CSNK1G1: variants seen among roughly 807,000 people sequenced by gnomAD.
CSNK1G1 encodes casein kinase I isoform gamma-1.
A neutral mutation model predicts 59.6 loss-of-function variants in CSNK1G1; 22 were observed. The ratio of observed to expected loss-of-function variants is 0.37; its 90% CI spans 0.26 to 0.53. CSNK1G1 has a LOEUF of 0.53. Ranked by LOEUF, CSNK1G1 falls within the 20% of genes least tolerant of loss-of-function variation. The pLI, the probability that CSNK1G1 is intolerant of heterozygous loss-of-function variation, is 0.89. For missense variants in CSNK1G1, 384 were observed against 519.5 expected (o/e 0.74, Z 2.54); for synonymous variants, 179 against 177.1 (o/e 1.01, Z -0.08).
intron 4 of CSNK1G1, among the ~76,000 whole-genome samples, chr15:64,236,937 A>G (rs2140299003): frequency 6.6e-6 from 1 of 152,380 alleles, no homozygotes; most frequent in East Asian, 1.9e-4. Context: ...GTATACATAC[A>G]TAATAGAGTA....
intron 1 of CSNK1G1, among the ~76,000 whole-genome samples, chr15:64,322,436 C>T (rs1043204065): frequency 6.6e-6 from 1 of 151,890 alleles, no homozygotes; most frequent in Admixed American, 6.6e-5. Context: ...CTCCTGGGCT[C>T]AAGCAATCCT....
rs575299807 is a variant in CSNK1G1 at position 64,188,865 on chromosome 15, C to T, written c.1108-8411G>A. ...TAAGATTGTTCGGAGTGGTGGCATA[C>T]GCCTATAATCTCAGCACTTTGGGAG... On this transcript the variant is annotated intron_variant, in intron 10 of 11. Coordinates refer to ENST00000303052, the MANE Select transcript of CSNK1G1 (RefSeq NM_022048.5). This position sits in a 1 kb window ranked among gnomAD's most constrained non-coding sequence, Gnocchi z 4.2. Among the ~76,000 whole-genome samples the T allele has an allele frequency of 2.1e-4, 32 of 152,292 alleles. No individual in the cohort carries two copies. The highest frequency in any genetic ancestry group is 1.4e-3 in the South Asian group (7 of 4,828).
At chr15:64,258,252 G>T (rs1279359113) in intron 3 of CSNK1G1, among the ~76,000 whole-genome samples, 1 of 152,004 alleles carries the variant, frequency 6.6e-6, no homozygotes, top group Non-Finnish European at 1.5e-5. Flanking sequence ...GTGGCATGTA[G>T]TCTGTAGTCC....
intron 2 of CSNK1G1, among the ~76,000 whole-genome samples, chr15:64,280,839 T>C (rs1894085960): frequency 6.6e-6 from 1 of 152,144 alleles, no homozygotes; most frequent in South Asian, 2.1e-4. Context: ...AAATATGATA[T>C]ATACATACAA....
chr15:64,270,409 A>C (rs1893224752), intron 2 of CSNK1G1, among the ~76,000 whole-genome samples: 1 of 152,002 alleles, frequency 6.6e-6, no homozygotes, highest in South Asian at 2.1e-4. Flanking sequence ...TGTTAATTTG[A>C]GATCTTTCTA....
intron 2 of CSNK1G1, chr15:64,265,782 C>T (rs781716871): frequency 2.2e-5 from 10 of 456,172 alleles, no homozygotes; most frequent in South Asian, 1.5e-4. Context: ...TGAAATATAT[C>T]CATTGGAAGA....
At chr15:64,317,643 G>A (rs1896346115) in intron 1 of CSNK1G1, among the ~76,000 whole-genome samples, 1 of 151,726 alleles carries the variant, frequency 6.6e-6, no homozygotes, top group Non-Finnish European at 1.5e-5. Flanking sequence ...GGACTACAGG[G>A]GCATACCATC....
At position 64,172,005 on chromosome 15, in the gene CSNK1G1, G is replaced by A; in HGVS notation, c.1215-20C>T. 5 of 1,611,276 alleles carry A rather than the reference G, an allele frequency of 3.1e-6. No homozygotes were observed. The highest frequency in any genetic ancestry group is 4.2e-6 in the Non-Finnish European group (5 of 1,177,998). ...CAGCACCTGGAGCACAAGGAACATT[G>A]CAAGTCAGTGCGGGAGGCCTGCAGC... On this transcript the variant is annotated intron_variant, in intron 11 of 11. Transcript: ENST00000303052.
chr15:64,302,550 G>C (rs1895414336), intron 1 of CSNK1G1, among the ~76,000 whole-genome samples: 2 of 151,976 alleles, frequency 1.3e-5, no homozygotes, highest in Admixed American at 6.6e-5. Flanking sequence ...CTTCCTACAT[G>C]AACAACATTA....
chr15:64,296,405 G>A (rs915078633), intron 2 of CSNK1G1, among the ~76,000 whole-genome samples: 1 of 152,084 alleles, frequency 6.6e-6, no homozygotes, highest in Non-Finnish European at 1.5e-5. Context: ...ACAGGCATAA[G>A]CCACTACACC....
intron 7 of CSNK1G1, 87 bp from the exon 8 acceptor site, chr15:64,205,036 A>G: frequency 1.4e-6 from 1 of 725,916 alleles, no homozygotes; most frequent in Non-Finnish European, 2.3e-6. Context: ...TGGTTGTTTC[A>G]CTCAAATTCG....
chr15:64,352,447 CTTTTTT>C (rs1165768581), intron 1 of CSNK1G1, among the ~76,000 whole-genome samples: 3 of 89,410 alleles, frequency 3.4e-5, no homozygotes, highest in African/African-American at 4.4e-5. Context: ...TTGAATTCTT[CTTTTTT>C]TTTTTTTTTT....
chr15:64,253,825 T>C (rs34763433), intron 3 of CSNK1G1, among the ~76,000 whole-genome samples: 3,815 of 152,186 alleles, frequency 0.025, 64 homozygotes, highest in Non-Finnish European at 0.041. Flanking sequence ...CGGACAAATA[T>C]TGAATGAGTC....
At chr15:64,350,085 A>G (rs532579794) in intron 1 of CSNK1G1, among the ~76,000 whole-genome samples, 75 of 152,284 alleles carry the variant, frequency 4.9e-4, no homozygotes, top group Non-Finnish European at 8.4e-4. Context: ...CCTCAGAAGA[A>G]GCTTCTTTTC....
At chr15:64,251,411 T>A in intron 4 of CSNK1G1, 101 bp downstream of exon 4, 1 of 743,858 alleles carries the variant, frequency 1.3e-6, no homozygotes, top group Non-Finnish European at 2.3e-6. Context: ...GGGAGATAGA[T>A]GGTTTGGTAA....
intron 1 of CSNK1G1, among the ~76,000 whole-genome samples, chr15:64,310,850 C>T (rs906104940): frequency 6.6e-6 from 1 of 151,186 alleles, no homozygotes; most frequent in Non-Finnish European, 1.5e-5. Context: ...ACTAAAAATA[C>T]AAAAATTAGC....
In CSNK1G1 at chr15:64,289,863, T is replaced by A. The variant is rs28465433; in HGVS notation, c.181+10456A>T. ...TGACTTCATTTGAATGACATTTGAA[T>A]GACATACAAATGACCAAGAAGCATA... On this transcript the variant is annotated intron_variant, in intron 2 of 11. Transcript: ENST00000303052. Among the ~76,000 whole-genome samples, 974 of 152,224 alleles carry A rather than the reference T, an allele frequency of 6.4e-3. 7 individuals are homozygous for A. The highest frequency in any genetic ancestry group is 0.021 in the African/African-American group (869 of 41,544).
At chr15:64,247,347 AATTTGG>A in intron 4 of CSNK1G1, among the ~76,000 whole-genome samples, 1 of 152,346 alleles carries the variant, frequency 6.6e-6, no homozygotes, top group East Asian at 1.9e-4. Context: ...AAGATTTTAC[AATTTGG>A]TTTCTATAAG....
chr15:64,166,082 T>TAAA lies in CSNK1G1; in HGVS notation c.*5846_*5848dup. ...CAGGGTTTATGAAACATTATACATC[T>TAAA]AAAAAAAAAAAAAGTAAAAAAAGAG... On this transcript the variant is annotated 3_prime_UTR_variant, in exon 12 of 12. Transcript: ENST00000303052. The surrounding 1 kb of genome is among the most constrained non-coding windows in gnomAD (Gnocchi z 4.5). 16 of 535,478 alleles carry TAAA rather than the reference T, an allele frequency of 3.0e-5. No homozygotes were observed. Among genetic ancestry groups the TAAA allele is most frequent in the South Asian group, 1.1e-4 (5 of 43,782 alleles). The allele number at this position is 535,478 out of a possible 1,614,324, so 33.2% of individuals were successfully genotyped here.
Sources: allele counts gnomAD v4.1 joint callset (sites outside exome capture counted in the v4.1 genomes callset), GRCh38; gene constraint gnomAD v4.1.1; non-coding constraint Gnocchi (gnomAD v3.1); transcripts MANE v1.5; gene names NCBI Gene and HGNC (gene_info 2026-07-23, HGNC 2026-07-21).